AGBL1: variants seen among roughly 807,000 people sequenced by gnomAD.
AGBL1 encodes cytosolic carboxypeptidase 4.
In AGBL1, 130 loss-of-function variants were observed where a neutral mutation model predicts 118.9. That is an observed-to-expected ratio of 1.09 (90% CI 0.95 to 1.26). The LOEUF is 1.26. AGBL1 is among the 50% of genes most tolerant of loss of function. The pLI is 0.00. For synonymous variants in AGBL1, 555 were observed against 478.9 expected (o/e 1.16, Z -2.08); for missense variants, 1,584 against 1,298.1 (o/e 1.22, Z -3.38).
intron 8 of AGBL1, 150 bp downstream of exon 8, chr15:86,257,168 T>G: frequency 1.1e-6 from 1 of 945,936 alleles, no homozygotes. Context: ...GAAAAAGCAG[T>G]TTTGATTTTC....
rs139314290 is a variant in AGBL1 at position 86,426,880 on chromosome 15, C to G, written c.2555+29334C>G. Among the ~76,000 whole-genome samples the G allele has an allele frequency of 1.5e-3, 221 of 152,298 alleles. 3 individuals are homozygous for G. Among genetic ancestry groups the G allele is most frequent in the East Asian group, 0.014 (72 of 5,188 alleles). The stretch of plus-strand genomic sequence containing the variant: ...CTCCCTTTTCAAGTGTTTCTCCTGC[C>G]TCAGCCTCCCAAGTAGCTGAGATTA... On this transcript the variant is annotated intron_variant, in intron 18 of 22. Transcript: ENST00000614907.
At chr15:86,773,834 A>G (rs2078215541) in intron 22 of AGBL1, among the ~76,000 whole-genome samples, 1 of 151,878 alleles carries the variant, frequency 6.6e-6, no homozygotes, top group Admixed American at 6.6e-5. Flanking sequence ...TCTCTCCTAG[A>G]TTTCTTATCT....
intron 18 of AGBL1, among the ~76,000 whole-genome samples, chr15:86,471,636 T>C (rs1310508120): frequency 1.3e-5 from 2 of 152,166 alleles, no homozygotes; most frequent in East Asian, 1.9e-4. Flanking sequence ...ATTTCTAATA[T>C]TTGGTGAGGA....
chr15:86,526,602 GTATA>G (rs1380038428), intron 19 of AGBL1, among the ~76,000 whole-genome samples: 1 of 140,448 alleles, frequency 7.1e-6, no homozygotes, highest in African/African-American at 2.6e-5. Flanking sequence ...TGTATATAGT[GTATA>G]TATATATAAA....
At chr15:86,511,812 A>T (rs2083055663) in intron 18 of AGBL1, among the ~76,000 whole-genome samples, 1 of 151,996 alleles carries the variant, frequency 6.6e-6, no homozygotes, top group Non-Finnish European at 1.5e-5. Context: ...AAACAAAAGG[A>T]TGAAGTAGGG....
At chr15:86,296,305 A>T (rs1331603460) in intron 17 of AGBL1, 1 of 152,176 alleles carries the variant, frequency 6.6e-6, no homozygotes, top group African/African-American at 2.4e-5. Flanking sequence ...ATTAAAGAAG[A>T]AGCTGGATGC....
At chr15:86,208,481 T>C (rs2078033366) in intron 5 of AGBL1, among the ~76,000 whole-genome samples, 2 of 152,212 alleles carry the variant, frequency 1.3e-5, no homozygotes, top group Non-Finnish European at 2.9e-5. Flanking sequence ...CTATTAATTA[T>C]TGCCTCAATT....
intron 18 of AGBL1, among the ~76,000 whole-genome samples, chr15:86,459,588 A>G (rs1655022394): frequency 6.6e-6 from 1 of 152,162 alleles, no homozygotes; most frequent in African/African-American, 2.4e-5. Flanking sequence ...TTCCCAGTTT[A>G]AGTCTTGATT....
intron 19 of AGBL1, among the ~76,000 whole-genome samples, chr15:86,532,242 G>C (rs1318599929): frequency 6.6e-6 from 1 of 151,506 alleles, no homozygotes; most frequent in Non-Finnish European, 1.5e-5. Context: ...TCCTTAAGCT[G>C]ATAAGCAACT....
chr15:86,272,513 C>T (rs942425979), intron 15 of AGBL1, among the ~76,000 whole-genome samples: 11 of 152,142 alleles, frequency 7.2e-5, no homozygotes, highest in African/African-American at 2.7e-4. Context: ...TCTGAAATTA[C>T]TAGCGGCCTC....
chr15:86,360,358 T>C (rs969817136), intron 17 of AGBL1, among the ~76,000 whole-genome samples: 2 of 150,828 alleles, frequency 1.3e-5, no homozygotes, highest in African/African-American at 4.9e-5. Context: ...ATCACATTGA[T>C]TGAGTTGTGT....
chr15:86,978,482 T>C (rs780652743), intron 23 of AGBL1, among the ~76,000 whole-genome samples: 1 of 152,148 alleles, frequency 6.6e-6, no homozygotes, highest in Non-Finnish European at 1.5e-5. Context: ...CTTACAAAGC[T>C]GGGGGTTTAA....
intron 17 of AGBL1, among the ~76,000 whole-genome samples, chr15:86,300,413 C>T (rs2079727614): frequency 1.3e-5 from 2 of 152,082 alleles, no homozygotes; most frequent in South Asian, 2.1e-4. Context: ...TCTTGACTGT[C>T]CTCATGAGTG....
chr15:86,409,864 C>T (rs1305799158), intron 18 of AGBL1, among the ~76,000 whole-genome samples: 1 of 152,050 alleles, frequency 6.6e-6, no homozygotes, highest in Non-Finnish European at 1.5e-5. Context: ...CCTTTCCTTC[C>T]TCCCCTCCTC....
At chr15:86,631,309 GA>G (rs144267518) in intron 21 of AGBL1, among the ~76,000 whole-genome samples, 1 of 151,396 alleles carries the variant, frequency 6.6e-6, no homozygotes, top group South Asian at 2.1e-4. Flanking sequence ...GGTTTGGGGA[GA>G]AAAAAAAGTC....
intron 23 of AGBL1, among the ~76,000 whole-genome samples, chr15:86,934,093 T>C (rs893977178): frequency 3.3e-5 from 5 of 152,212 alleles, no homozygotes; most frequent in African/African-American, 9.6e-5. Flanking sequence ...ATACTTTTAA[T>C]AGAGTGTTTT....
intron 22 of AGBL1, among the ~76,000 whole-genome samples, chr15:86,899,060 A>G (rs60394316): frequency 1.1e-3 from 174 of 152,320 alleles, no homozygotes; most frequent in African/African-American, 4.1e-3. Context: ...AGGAATACAA[A>G]TCATTCTACC....
chr15:86,097,794 C>A (rs954519169), intron 1 of AGBL1, among the ~76,000 whole-genome samples: 1 of 152,034 alleles, frequency 6.6e-6, no homozygotes, highest in African/African-American at 2.4e-5. Flanking sequence ...ATGCAGGTAT[C>A]TCTTTGATAT....
chr15:86,534,094 C>G (rs895810241), intron 19 of AGBL1, among the ~76,000 whole-genome samples: 1 of 114,626 alleles, frequency 8.7e-6, no homozygotes. Context: ...CACATGTACC[C>G]TAAAACTTAA....
Sources: gnomAD v4.1 joint callset for allele counts (sites outside exome capture counted in the v4.1 genomes callset) on GRCh38, gnomAD v4.1.1 for gene constraint, MANE v1.5 for transcripts, NCBI Gene and HGNC (gene_info 2026-07-23, HGNC 2026-07-21) for gene names.